SPOCK3: variants seen among roughly 807,000 people sequenced by gnomAD.
The protein encoded by SPOCK3 is testican-3.
In SPOCK3, 30 loss-of-function variants were observed where a neutral mutation model predicts 56.6. The observed-to-expected ratio is 0.53, with a 90% CI of 0.40 to 0.72. SPOCK3 has a LOEUF of 0.72. SPOCK3 is among the 30% of genes least tolerant of loss of function. The probability of loss-of-function intolerance (pLI) is 0.00; values close to 1 mark genes in which losing one functional copy is unlikely to be tolerated. For synonymous variants in SPOCK3, 196 were observed against 183.3 expected, an observed-to-expected ratio of 1.07 and a Z score of -0.56; for missense variants, 527 against 530.0, an observed-to-expected ratio of 0.99 and a Z score of 0.06.
intron 6 of SPOCK3, among the ~76,000 whole-genome samples, chr4:166,872,324 G>T (rs979917103): frequency 6.6e-6 from 1 of 151,998 alleles, no homozygotes; most frequent in Non-Finnish European, 1.5e-5. Flanking sequence ...AAATGCTAAA[G>T]AATCTACAAA....
chr4:167,153,192 G>A (rs1448621322), intron 2 of SPOCK3, among the ~76,000 whole-genome samples: 1 of 152,134 alleles, frequency 6.6e-6, no homozygotes. Flanking sequence ...GGCTTTGACT[G>A]AATTACAGAT....
intron 3 of SPOCK3, among the ~76,000 whole-genome samples, chr4:167,024,064 C>T (rs915672940): frequency 6.6e-6 from 1 of 151,994 alleles, no homozygotes; most frequent in Non-Finnish European, 1.5e-5. Context: ...CCCGTGGTTA[C>T]AATTTGCCTG....
intron 10 of SPOCK3, among the ~76,000 whole-genome samples, chr4:166,737,125 GATAA>G (rs1474306664): frequency 2.0e-5 from 3 of 152,070 alleles, no homozygotes; most frequent in African/African-American, 7.2e-5. Context: ...CTGAAGACAC[GATAA>G]ATAGAGTTTA....
intron 4 of SPOCK3, among the ~76,000 whole-genome samples, chr4:166,926,008 T>G (rs558449248): frequency 6.6e-6 from 1 of 152,284 alleles, no homozygotes; most frequent in South Asian, 2.1e-4. Flanking sequence ...TTACACACAT[T>G]AATTTACACT....
At chr4:166,798,871 A>C (rs1742248401) in intron 6 of SPOCK3, among the ~76,000 whole-genome samples, 1 of 152,192 alleles carries the variant, frequency 6.6e-6, no homozygotes. Context: ...TCCAAAAATC[A>C]GATTGTGTAA....
In SPOCK3 at chr4:167,149,147, T is replaced by C. The variant is rs576747985; in HGVS notation, c.189+84838A>G. On this transcript the variant is annotated intron_variant, in intron 2 of 10. Transcript: ENST00000357545. Reference sequence around the variant, plus strand: ...CAATATCTGCTTTTGGTCTAAAGGATATTTGAAAGCAATTACAATAGTATA... The same window carrying C: ...CAATATCTGCTTTTGGTCTAAAGGACATTTGAAAGCAATTACAATAGTATA... 1.3e-4 allele frequency among the ~76,000 whole-genome samples: 20 copies of C among 152,260 alleles called. No individual in the cohort carries two copies. In the South Asian group the frequency reaches 4.1e-3, roughly 32 times the overall value.
intron 4 of SPOCK3, among the ~76,000 whole-genome samples, chr4:166,975,027 C>T (rs185556978): frequency 4.6e-5 from 7 of 152,236 alleles, no homozygotes; most frequent in East Asian, 1.9e-4. Flanking sequence ...GTCTGAGAGT[C>T]GGTCTGTCAT....
At chr4:167,059,558 T>C (rs1174820936) in intron 3 of SPOCK3, among the ~76,000 whole-genome samples, 1 of 152,134 alleles carries the variant, frequency 6.6e-6, no homozygotes, top group African/African-American at 2.4e-5. Flanking sequence ...TTGTTGGGAC[T>C]GTAAACTAGT....
At chr4:166,941,445 A>T (rs1312176856) in intron 4 of SPOCK3, among the ~76,000 whole-genome samples, 1 of 152,166 alleles carries the variant, frequency 6.6e-6, no homozygotes, top group Non-Finnish European at 1.5e-5. Context: ...TATTCCTTCC[A>T]GCTACAGTCT....
intron 6 of SPOCK3, among the ~76,000 whole-genome samples, chr4:166,825,226 C>T (rs761031315): frequency 6.1e-4 from 92 of 152,042 alleles, no homozygotes; most frequent in Non-Finnish European, 8.7e-4. Flanking sequence ...CTAATTTTAC[C>T]GTAGGTTCCA....
intron 8 of SPOCK3, among the ~76,000 whole-genome samples, chr4:166,745,430 G>A (rs1380205190): frequency 6.6e-6 from 1 of 152,118 alleles, no homozygotes; most frequent in Admixed American, 6.6e-5. Context: ...TTACAGACAA[G>A]CAAATGCTGA....
rs1733990650 is a variant in SPOCK3 at position 166,734,122 on chromosome 4, T to A, written c.*799A>T. The A allele has an allele frequency of 6.6e-6, 1 of 151,924 alleles. No individual in the cohort carries two copies. The highest frequency in any genetic ancestry group is 6.6e-5 in the Admixed American group (1 of 15,212). 9.4% of individuals were successfully genotyped at this position (151,924 alleles called of 1,614,324 possible). A position where few individuals can be genotyped will look rare whatever the true frequency, so the allele number is the denominator to read the frequency against. On this transcript the variant is annotated 3_prime_UTR_variant, in exon 11 of 11. Transcript: ENST00000357545. ...TATGGTTTAAATGAATCTTTCCCTTTGTCTTCCTAATTTAAATTCTGCTCC... is the reference window on the plus strand; with the variant it reads ...TATGGTTTAAATGAATCTTTCCCTTAGTCTTCCTAATTTAAATTCTGCTCC...
intron 7 of SPOCK3, among the ~76,000 whole-genome samples, chr4:166,769,577 T>G (rs950239224): frequency 1.3e-5 from 2 of 152,192 alleles, no homozygotes; most frequent in Non-Finnish European, 2.9e-5. Context: ...CCTGGCCATG[T>G]GAGGTGTCAG....
intron 6 of SPOCK3, among the ~76,000 whole-genome samples, chr4:166,831,575 C>T (rs767426773): frequency 9.2e-5 from 14 of 152,032 alleles, no homozygotes; most frequent in Non-Finnish European, 1.6e-4. Context: ...ATATCAAATT[C>T]ATTGAAATTA....
chr4:166,956,908 C>G (rs938826863), intron 4 of SPOCK3, among the ~76,000 whole-genome samples: 11 of 152,260 alleles, frequency 7.2e-5, no homozygotes, highest in African/African-American at 2.6e-4. Context: ...TCATCATACA[C>G]AGTGAGCAGC....
intron 2 of SPOCK3, among the ~76,000 whole-genome samples, chr4:167,199,230 TGTGTG>T (rs1561314448): frequency 9.1e-6 from 1 of 110,134 alleles, no homozygotes. Flanking sequence ...TTTGTTTGTG[TGTGTG>T]TGTGTGTGTG....
chr4:166,920,886 A>C (rs1038924891), intron 4 of SPOCK3, among the ~76,000 whole-genome samples: 7 of 152,234 alleles, frequency 4.6e-5, no homozygotes, highest in African/African-American at 1.7e-4. Context: ...TGAAAGCTTC[A>C]GCAGAGCCAT....
At chr4:166,780,326 C>A (rs1275249084) in intron 7 of SPOCK3, among the ~76,000 whole-genome samples, 1 of 151,930 alleles carries the variant, frequency 6.6e-6, no homozygotes, top group Non-Finnish European at 1.5e-5. Context: ...GCTAAAATGA[C>A]AGTAAATAAA....
intron 2 of SPOCK3, among the ~76,000 whole-genome samples, chr4:167,065,282 C>T (rs548420637): frequency 6.6e-6 from 1 of 151,800 alleles, no homozygotes; most frequent in East Asian, 1.9e-4. Context: ...ACATTGTTAG[C>T]ACTGAAGTCA....
Sources: gnomAD v4.1 joint callset for allele counts (sites outside exome capture counted in the v4.1 genomes callset) on GRCh38, gnomAD v4.1.1 for gene constraint, MANE v1.5 for transcripts, NCBI Gene and HGNC (gene_info 2026-07-23, HGNC 2026-07-21) for gene names.